Variants in CLMN observed in about 807,000 individuals in gnomAD.
CLMN encodes calmin (calponin-like, transmembrane).
CLMN carries 57 observed loss-of-function variants against 92.7 expected under a neutral mutation model. The ratio of observed to expected loss-of-function variants is 0.61; its 90% confidence interval spans 0.50 to 0.77. The LOEUF (loss-of-function observed/expected upper bound fraction) is 0.77. Ranked by LOEUF, CLMN falls within the 30% of genes least tolerant of loss-of-function variation. CLMN has a pLI of 0.00. For synonymous variants in CLMN, 466 were observed against 470.6 expected (o/e 0.99, Z 0.13); for missense variants, 1,158 against 1,237.5 (o/e 0.94, Z 0.96).
chr14:95,261,822 C>T (rs1225262831), intron 1 of CLMN, among the ~76,000 whole-genome samples: 1 of 152,238 alleles, frequency 6.6e-6, no homozygotes, highest in African/African-American at 2.4e-5. Context: ...GCCCATGCCC[C>T]CCTGCAGCAA....
At chr14:95,317,858 A>T (rs1359837340) in intron 1 of CLMN, among the ~76,000 whole-genome samples, 2 of 152,218 alleles carry the variant, frequency 1.3e-5, no homozygotes, top group Non-Finnish European at 2.9e-5. Context: ...ATATACATAC[A>T]TTTAAAAATT....
chr14:95,286,126 A>T (rs1900332481), intron 1 of CLMN, among the ~76,000 whole-genome samples: 1 of 152,236 alleles, frequency 6.6e-6, no homozygotes, highest in Non-Finnish European at 1.5e-5. Context: ...TTCAGGTGTG[A>T]TCATGGTAAT....
chr14:95,275,174 A>G (rs1308767631), intron 1 of CLMN, among the ~76,000 whole-genome samples: 1 of 152,120 alleles, frequency 6.6e-6, no homozygotes, highest in Non-Finnish European at 1.5e-5. Flanking sequence ...TTCAAACCAG[A>G]GTAACTCCAT....
intron 1 of CLMN, among the ~76,000 whole-genome samples, chr14:95,300,567 T>C (rs1204165573): frequency 6.6e-6 from 1 of 152,240 alleles, no homozygotes; most frequent in Non-Finnish European, 1.5e-5. Flanking sequence ...CAATAGAGCA[T>C]GTCCATGAGC....
chr14:95,279,059 G>A (rs1266146418), intron 1 of CLMN, among the ~76,000 whole-genome samples: 1 of 152,138 alleles, frequency 6.6e-6, no homozygotes, highest in Non-Finnish European at 1.5e-5. Context: ...CTGTCTGCAT[G>A]TATTTATATG....
chr14:95,305,302 C>G (rs1365908827), intron 1 of CLMN, among the ~76,000 whole-genome samples: 1 of 152,226 alleles, frequency 6.6e-6, no homozygotes, highest in African/African-American at 2.4e-5. Flanking sequence ...TCCCAACTAG[C>G]CATTTGGCTC....
At chr14:95,209,553 G>A in intron 7 of CLMN, 76 bp from the exon 8 acceptor site, 1 of 1,134,752 alleles carries the variant, frequency 8.8e-7, no homozygotes, top group South Asian at 1.2e-5. Context: ...ATGCCTGATG[G>A]TGAAGAATCC....
Position 95,259,954 on chromosome 14 carries a change from C to T in CLMN, c.83-29821G>A, listed in dbSNP as rs1566900566. 6.6e-6 allele frequency among the ~76,000 whole-genome samples: 1 copy of T among 152,160 alleles called. No homozygotes were observed. Among genetic ancestry groups the T allele is most frequent in the Admixed American group, 6.5e-5 (1 of 15,284 alleles). ...TGTTCCTGCTGTCTGGCACTCTCTC[C>T]CTGCACTTCTCCACCTGCTCGTCAA... On this transcript the variant is annotated intron_variant, in intron 1 of 12. Coordinates refer to ENST00000298912, the MANE Select transcript of CLMN (RefSeq NM_024734.4). The surrounding 1 kb of genome is among the most constrained non-coding windows in gnomAD (Gnocchi z 4.3).
At chr14:95,263,429 C>G (rs1290776112) in intron 1 of CLMN, among the ~76,000 whole-genome samples, 1 of 152,158 alleles carries the variant, frequency 6.6e-6, no homozygotes, top group African/African-American at 2.4e-5. Context: ...GGTGGGGACA[C>G]AGCCAAACCC....
intron 1 of CLMN, among the ~76,000 whole-genome samples, chr14:95,262,356 C>T (rs1265172093): frequency 6.6e-6 from 1 of 152,176 alleles, no homozygotes; most frequent in African/African-American, 2.4e-5. Context: ...GAGGACAACT[C>T]AGCAAGCAGC....
intron 1 of CLMN, among the ~76,000 whole-genome samples, chr14:95,297,739 A>G (rs1267722574): frequency 6.7e-6 from 1 of 150,006 alleles, no homozygotes; most frequent in Non-Finnish European, 1.5e-5. Flanking sequence ...ATGTGCCACA[A>G]TCTGTTGATC....
chr14:95,244,117 G>A (rs900608740), intron 1 of CLMN, among the ~76,000 whole-genome samples: 3 of 152,106 alleles, frequency 2.0e-5, no homozygotes, highest in Non-Finnish European at 4.4e-5. Context: ...GGCCTCCCCA[G>A]CCATGCTTCC....
chr14:95,255,647 T>C (rs1466608548), intron 1 of CLMN, among the ~76,000 whole-genome samples: 1 of 152,156 alleles, frequency 6.6e-6, no homozygotes, highest in East Asian at 1.9e-4. Flanking sequence ...TTCTGTCTGA[T>C]TTCCATCGGG....
rs1899012378 is a variant in CLMN at position 95,256,702 on chromosome 14, T to C, written c.83-26569A>G. On this transcript the variant is annotated intron_variant, in intron 1 of 12. Transcript: ENST00000298912. The surrounding 1 kb of genome is among the most constrained non-coding windows in gnomAD (Gnocchi z 4.9). ...GTTCATTTCAAAACGAAACTGAACA[T>C]GGCGTGTGTCTAGGCTGGGATGGGA... Among the ~76,000 whole-genome samples the C allele has an allele frequency of 6.6e-6, 1 of 152,174 alleles. No individual in the cohort carries two copies.
At chr14:95,206,099 GT>G (rs1318389479) in intron 8 of CLMN, among the ~76,000 whole-genome samples, 1 of 152,156 alleles carries the variant, frequency 6.6e-6, no homozygotes, top group Non-Finnish European at 1.5e-5. Flanking sequence ...AATGGAAAAA[GT>G]TATGACACAA....
chr14:95,200,453 G>A (rs750029182), intron 9 of CLMN, among the ~76,000 whole-genome samples: 14 of 152,176 alleles, frequency 9.2e-5, no homozygotes, highest in Admixed American at 2.6e-4. Flanking sequence ...TGGAGAGGCC[G>A]AGCCCAGGCC....
chr14:95,217,850 G>A (rs1424957962), intron 4 of CLMN, among the ~76,000 whole-genome samples: 2 of 152,228 alleles, frequency 1.3e-5, no homozygotes, highest in Non-Finnish European at 2.9e-5. Flanking sequence ...TCCCAAGAGG[G>A]GAAGGGCAGG....
At chr14:95,263,532 C>T (rs768712911) in intron 1 of CLMN, among the ~76,000 whole-genome samples, 1 of 152,154 alleles carries the variant, frequency 6.6e-6, no homozygotes, top group East Asian at 1.9e-4. Context: ...AAAAGGGTTC[C>T]GGTGTGACCC....
In CLMN at chr14:95,209,459, G is replaced by C; in HGVS notation, c.821C>G (p.Pro274Arg). Reference sequence around the variant, plus strand: ...GTAAGTCATGATAGACTGCTCGTCTGGTGTGTCAACCATGATGTCTGTCGA... The same window carrying C: ...GTAAGTCATGATAGACTGCTCGTCTCGTGTGTCAACCATGATGTCTGTCGA... ...LEPEDIMVDT[P>R]DEQSIMTYVA... Residue 274 changes from proline (P) to arginine (R), a missense_variant, in exon 8 of 13, where the codon CCA becomes CGA. By Grantham distance (103) the Pro-to-Arg change is moderately radical (BLOSUM62 -2). Transcript: ENST00000298912. 6.2e-7 allele frequency: 1 copy of C among 1,614,096 alleles called. No homozygotes were observed. Among genetic ancestry groups the C allele is most frequent in the South Asian group, 1.1e-5 (1 of 91,080 alleles).
Sources: gnomAD v4.1 joint callset for allele counts (sites outside exome capture counted in the v4.1 genomes callset) on GRCh38, gnomAD v4.1.1 for gene constraint, Gnocchi (gnomAD v3.1) non-coding constraint, MANE v1.5 for transcripts, NCBI Gene and HGNC (gene_info 2026-07-23, HGNC 2026-07-21) for gene names.